The following PRL variants were observed in gnomAD, a reference collection of about 807,000 sequenced individuals.
PRL encodes the protein decidual prolactin.
A neutral mutation model predicts 21.3 loss-of-function variants in PRL; 24 were observed. The ratio of observed to expected loss-of-function variants is 1.13; its 90% CI spans 0.82 to 1.59. The LOEUF (loss-of-function observed/expected upper bound fraction) is 1.59. Among genes scored for constraint, PRL ranks in the 40% most tolerant of loss-of-function variants. The pLI is 0.00. For synonymous variants in PRL, 118 were observed against 115.7 expected (o/e 1.02, Z -0.13); for missense variants, 243 against 286.9 (o/e 0.85, Z 1.10).
chr6:22,294,236 T>C (rs1581387283), intron 2 of PRL, among the ~76,000 whole-genome samples, 173 bp downstream of exon 2: 1 of 152,342 alleles, frequency 6.6e-6, no homozygotes, highest in East Asian at 1.9e-4. Context: ...TGAGATTTCA[T>C]GGCACTGTCC....
upstream of PRL, among the ~76,000 whole-genome samples, chr6:22,300,166 T>C (rs1336792654): frequency 2.6e-5 from 4 of 152,314 alleles, no homozygotes; most frequent in African/African-American, 7.2e-5. Context: ...GTGGTTTTTT[T>C]TGAATGGCAC....
chr6:22,292,021 G>A (rs1761060907), intron 3 of PRL, among the ~76,000 whole-genome samples: 1 of 152,004 alleles, frequency 6.6e-6, no homozygotes, highest in African/African-American at 2.4e-5. Flanking sequence ...AGTAAGAGAG[G>A]GCAGAAGAGT....
chr6:22,299,764 A>G (rs1266955982), upstream of PRL, among the ~76,000 whole-genome samples: 4 of 152,038 alleles, frequency 2.6e-5, no homozygotes, highest in Admixed American at 1.3e-4. Context: ...GCTTGAACCC[A>G]GGAGGCAGAG....
upstream of PRL, among the ~76,000 whole-genome samples, chr6:22,297,735 A>G (rs562567567): frequency 1.6e-4 from 24 of 152,308 alleles, no homozygotes; most frequent in African/African-American, 5.8e-4. Flanking sequence ...TATTCTCTCC[A>G]GTTTACAGAT....
chr6:22,297,152 C>G, upstream of PRL: 1 of 639,932 alleles, frequency 1.6e-6, no homozygotes, highest in Non-Finnish European at 2.7e-6. Flanking sequence ...GAGATTACCC[C>G]CATAATTTCA....
chr6:22,293,213 T>C (rs535107651), intron 2 of PRL, among the ~76,000 whole-genome samples: 67 of 152,142 alleles, frequency 4.4e-4, no homozygotes, highest in African/African-American at 1.5e-3. Context: ...TATGACAAAA[T>C]AATTCAGAAA....
chr6:22,297,108 G>T (rs1337088523), upstream of PRL: 13 of 952,608 alleles, frequency 1.4e-5, no homozygotes, highest in Non-Finnish European at 2.1e-5. Context: ...TCAGGCATTC[G>T]TTTCCCTTTT....
rs1409571857 is a variant in PRL at position 22,288,994 on chromosome 6, T to C, written c.492+1180A>G. ...TGTATTCATTGACTGGCTTTATGTT[T>C]TTATTTTTAATTTTTGGTACTTGAG... is the stretch of plus-strand genomic sequence containing the variant. On this transcript the variant is annotated intron_variant, in intron 4 of 4. Transcript: ENST00000306482. The surrounding 1 kb of genome is among the most constrained non-coding windows in gnomAD (Gnocchi z 4.5). Among the ~76,000 whole-genome samples the C allele has an allele frequency of 6.6e-6, 1 of 152,126 alleles. No homozygotes were observed.
At chr6:22,298,716 G>A (rs1295060750), upstream of PRL, among the ~76,000 whole-genome samples, 1 of 152,180 alleles carries the variant, frequency 6.6e-6, no homozygotes, top group Non-Finnish European at 1.5e-5. Context: ...TGGATGGAGA[G>A]AGTCTGAATT....
chr6:22,294,718 T>C (rs922168428), intron 1 of PRL, 134 bp from the exon 2 acceptor site: 6 of 948,690 alleles, frequency 6.3e-6, no homozygotes, highest in Admixed American at 3.0e-5. Flanking sequence ...ATGGCTGGGA[T>C]GGGGGAAGAA....
chr6:22,299,454 A>G (rs574651432), upstream of PRL, among the ~76,000 whole-genome samples: 14 of 152,370 alleles, frequency 9.2e-5, no homozygotes, highest in East Asian at 2.7e-3. Flanking sequence ...TTCCTAATTT[A>G]GAACAAAGTT....
chr6:22,300,790 C>G (rs932012757), upstream of PRL, among the ~76,000 whole-genome samples: 1 of 152,176 alleles, frequency 6.6e-6, no homozygotes, highest in Non-Finnish European at 1.5e-5. Context: ...ATAGTGGAAG[C>G]ATTTGGAAAT....
chr6:22,292,215 G>A (rs1048827933), intron 3 of PRL, among the ~76,000 whole-genome samples: 2 of 152,092 alleles, frequency 1.3e-5, no homozygotes, highest in Non-Finnish European at 2.9e-5. Context: ...ATGCATAAAT[G>A]TATATTTACT....
At position 22,296,947 on chromosome 6, in the gene PRL, A is replaced by C; in HGVS notation, c.28+8T>G. 1 of 1,613,838 alleles carries C rather than the reference A, an allele frequency of 6.2e-7. No homozygotes were observed. The highest frequency in any genetic ancestry group is 8.5e-7 in the Non-Finnish European group (1 of 1,179,798). On this transcript the variant is annotated splice_region_variant and intron_variant, in intron 1 of 4. Transcript: ENST00000306482. ...ACAACCAACAACGCAGTGAGTTGTC[A>C]CACATACCTTTCCATGGCGATCCTT...
rs201733331 is a variant in PRL at position 22,296,944 on chromosome 6, G to T, written c.28+11C>A. On this transcript the variant is annotated intron_variant, in intron 1 of 4. Transcript: ENST00000306482. ...GATACAACCAACAACGCAGTGAGTT[G>T]TCACACATACCTTTCCATGGCGATC... The T allele has an allele frequency of 5.4e-5, 87 of 1,613,642 alleles. No individual in the cohort carries two copies. In the East Asian group the frequency reaches 1.8e-3, roughly 33 times the overall value.
At position 22,290,282 on chromosome 6, in the gene PRL, C is replaced by T. The variant is rs376254080; in HGVS notation, c.384G>A (p.Thr128=). The part of the protein sequence containing the change: ...SWNEPLYHLV[T]EVRGMQEAPE... ...GGGCTTCTTGCATACCACGTACTTC[C>T]GTGACCAGATGATACAGAGGCTCAT... is the stretch of plus-strand genomic sequence containing the variant. The change falls in exon 4 of 5, where the codon ACG becomes ACA. Residue 128 remains threonine, a synonymous_variant. Transcript: ENST00000306482. 6.3e-5 allele frequency: 101 copies of T among 1,612,138 alleles called. No individual in the cohort carries two copies. Among genetic ancestry groups the T allele is most frequent in the African/African-American group, 2.4e-4 (18 of 74,886 alleles).
At chr6:22,300,717 G>A (rs1329876539), upstream of PRL, among the ~76,000 whole-genome samples, 7 of 152,196 alleles carry the variant, frequency 4.6e-5, no homozygotes, top group Non-Finnish European at 1.0e-4. Flanking sequence ...TTCCCTCAGT[G>A]AATGCAAGTT....
In PRL at chr6:22,302,758, A is replaced by T. The variant is rs1761304881; in HGVS notation, c.-98+2T>A. On this transcript the variant is annotated splice_donor_variant, in intron 1 of 4. Coordinates refer to the PRL transcript ENST00000651245. LOFTEE classifies it low-confidence loss of function (5UTR_SPLICE). ...AACATTAATAAACTGTAGGGAACTT[A>T]CCAAAGCCTGTATGTTCCGATTCTT... 6.6e-6 allele frequency among the ~76,000 whole-genome samples: 1 copy of T among 152,140 alleles called. No individual in the cohort carries two copies. The highest frequency in any genetic ancestry group is 2.4e-5 in the African/African-American group (1 of 41,438).
At chr6:22,287,974 C>G (rs1384757426) in intron 4 of PRL, among the ~76,000 whole-genome samples, 1 of 152,118 alleles carries the variant, frequency 6.6e-6, no homozygotes, top group Non-Finnish European at 1.5e-5. Context: ...TGATGTATCC[C>G]TTGTGCTTTA....
Sources: allele counts gnomAD v4.1 joint callset (sites outside exome capture counted in the v4.1 genomes callset), GRCh38; gene constraint gnomAD v4.1.1; non-coding constraint Gnocchi (gnomAD v3.1); transcripts MANE v1.5; gene names NCBI Gene and HGNC (gene_info 2026-07-23, HGNC 2026-07-21).